Variants in MUS81 observed in about 807,000 individuals in gnomAD.
The protein encoded by MUS81 is structure-specific endonuclease subunit MUS81.
Under a neutral mutation model 74.2 loss-of-function variants are expected in MUS81, and 69 were observed. The ratio of observed to expected loss-of-function variants is 0.93; its 90% CI spans 0.77 to 1.14. The LOEUF (loss-of-function observed/expected upper bound fraction) is 1.14. Ranked by LOEUF, MUS81 falls within the 50% of genes most tolerant of loss-of-function variation. The probability of loss-of-function intolerance (pLI) is 0.00; values close to 1 mark genes in which losing one functional copy is unlikely to be tolerated. For missense variants in MUS81, 711 were observed against 726.5 expected (o/e 0.98, Z 0.25); for synonymous variants, 303 against 300.6 (o/e 1.01, Z -0.08).
chr11:65,863,405 C>T lies in MUS81; in HGVS notation c.747-5C>T. The stretch of plus-strand genomic sequence containing the variant: ...TGGCCTCACATACCAACACCCCCCA[C>T]TTAGTGCCAGTGAAGCAGGGGTCCA... On this transcript the variant is annotated splice_polypyrimidine_tract_variant and splice_region_variant and intron_variant, in intron 7 of 15. Transcript: ENST00000308110. 6.2e-7 allele frequency: 1 copy of T among 1,614,084 alleles called. No homozygotes were observed. The highest frequency in any genetic ancestry group is 8.5e-7 in the Non-Finnish European group (1 of 1,179,988).
intron 3 of MUS81, 52 bp from the exon 4 acceptor site, chr11:65,861,895 T>C (rs1187450133): frequency 1.2e-5 from 18 of 1,463,360 alleles, no homozygotes; most frequent in Admixed American, 2.0e-5. Context: ...TGGGGACTTA[T>C]TCAAAGATGA....
Position 65,863,645 on chromosome 11 carries a change from C to A in MUS81, c.885C>A (p.His295Gln). Residue 295 changes from histidine (H) to glutamine (Q), a missense_variant, in exon 9 of 16, where the codon CAC (histidine) becomes CAA (glutamine). His to Gln is a conservative substitution (Grantham distance 24, BLOSUM62 0). Coordinates refer to ENST00000308110, the MANE Select transcript of MUS81 (RefSeq NM_025128.5). Reference sequence around the variant, plus strand: ...TGCTCCGAGAGCTACAGCGGCTGCACGTGACCCACACGGTGCGCAAGCTGC... The same window carrying A: ...TGCTCCGAGAGCTACAGCGGCTGCAAGTGACCCACACGGTGCGCAAGCTGC... ...PELLRELQRL[H>Q]VTHTVRKLHV... 3 of 1,614,032 alleles carry A rather than the reference C, an allele frequency of 1.9e-6. No individual in the cohort carries two copies. Among genetic ancestry groups the A allele is most frequent in the Non-Finnish European group, 2.5e-6 (3 of 1,179,976 alleles).
intron 14 of MUS81, 125 bp downstream of exon 14, chr11:65,865,448 T>C: frequency 9.8e-7 from 1 of 1,016,830 alleles, no homozygotes; most frequent in Non-Finnish European, 1.4e-6. Flanking sequence ...GATAGACAGA[T>C]CCCAGGGTGC....
chr11:65,865,315 C>A lies in MUS81; in HGVS notation c.1497C>A (p.Thr499=). 1 of 1,613,706 alleles carries A rather than the reference C, an allele frequency of 6.2e-7. No homozygotes were observed. Among genetic ancestry groups the A allele is most frequent in the Non-Finnish European group, 8.5e-7 (1 of 1,179,798 alleles). ...CAGCCCTGGTGGATCGATACAGCAC[C>A]CCTGCCAGGTAGGCCCTAAAGGGCC... is the stretch of plus-strand genomic sequence containing the variant. ...KAAALVDRYS[T]PASLLAAYDA... Residue 499 remains threonine, a synonymous_variant, in exon 14 of 16, where the codon ACC becomes ACA. Transcript: ENST00000308110.
rs772822859 is a variant in MUS81, at chr11:65,863,146, C to T, written c.687C>T (p.Ile229=). ...SEGLSLLNVG[I]GPKEPPGEET... is the part of the protein sequence containing the mutation. The stretch of plus-strand genomic sequence containing the variant: ...GCCTGAGCTTGCTGAATGTGGGCAT[C>T]GGGCCCAAGGAGCCCCCTGGGGAGG... Residue 229 remains isoleucine (I), a synonymous_variant, in exon 7 of 16, where the codon ATC becomes ATT. Coordinates refer to ENST00000308110, the MANE Select transcript of MUS81 (RefSeq NM_025128.5). 5.0e-6 allele frequency: 8 copies of T among 1,614,064 alleles called. No individual in the cohort carries two copies. The highest frequency in any genetic ancestry group is 1.3e-5 in the African/African-American group (1 of 75,010).
Position 65,865,971 on chromosome 11 carries a change from CCTCT to C in MUS81, c.1590-12_1590-9del. 6.2e-7 allele frequency: 1 copy of C among 1,613,914 alleles called. No individual in the cohort carries two copies. Among genetic ancestry groups the C allele is most frequent in the Non-Finnish European group, 8.5e-7 (1 of 1,179,880 alleles). On this transcript the variant is annotated splice_polypyrimidine_tract_variant and intron_variant, in intron 15 of 15. Transcript: ENST00000308110. ...TAGGCCCAGGGCGTGACCCTCGCTG[CCTCT>C]CTTCCTGCAGGAATCTGGGGCCTGC...
rs1324069291 is a variant in MUS81, at chr11:65,866,080, C to T, written c.*28C>T. ...TTATGCCGTGAAACAGCCCCCAGCC[C>T]CCGTCTGTCCCCCAACCCAGGCTAG... is the stretch of plus-strand genomic sequence containing the variant. On this transcript the variant is annotated 3_prime_UTR_variant, in exon 16 of 16. Coordinates refer to ENST00000308110, the MANE Select transcript of MUS81 (RefSeq NM_025128.5). 6.2e-7 allele frequency: 1 copy of T among 1,602,368 alleles called. No individual in the cohort carries two copies. The highest frequency in any genetic ancestry group is 1.1e-5 in the South Asian group (1 of 89,620).
Position 65,864,790 on chromosome 11 carries a change from C to G in MUS81, c.1247C>G (p.Thr416Arg). 1 of 1,613,804 alleles carries G rather than the reference C, an allele frequency of 6.2e-7. No individual in the cohort carries two copies. The highest frequency in any genetic ancestry group is 1.1e-5 in the South Asian group (1 of 91,090). ...KESAAYLALL[T>R]RGLQRLYQGH... Reference sequence around the variant, plus strand: ...TCAGCCGCCTACCTGGCCCTCTTGACGCGGGGCCTGCAGAGACTCTACCAG... The same window carrying G: ...TCAGCCGCCTACCTGGCCCTCTTGAGGCGGGGCCTGCAGAGACTCTACCAG... Residue 416 changes from threonine (T) to arginine (R), a missense_variant, in exon 12 of 16, where the codon ACG becomes AGG. Coordinates refer to ENST00000308110, the MANE Select transcript of MUS81 (RefSeq NM_025128.5).
chr11:65,860,571 C>A lies in MUS81; in HGVS notation c.-183C>A. 1 of 744,704 alleles carries A rather than the reference C, an allele frequency of 1.3e-6. No individual in the cohort carries two copies. Among genetic ancestry groups the A allele is most frequent in the Non-Finnish European group, 2.2e-6 (1 of 456,014 alleles). The allele number at this position is 744,704 out of a possible 1,614,324, so 46.1% of individuals were successfully genotyped here. On this transcript the variant is annotated 5_prime_UTR_variant, in exon 1 of 16. Transcript: ENST00000308110. ...TTAGAGCAGCGCAGGGGTGGGAGGG[C>A]GGCCGCAGGCTCTCCTCTCGTTAGT... is the stretch of plus-strand genomic sequence containing the variant.
At chr11:65,865,695 A>G in intron 14 of MUS81, 116 bp from the exon 15 acceptor site, 1 of 1,063,592 alleles carries the variant, frequency 9.4e-7, no homozygotes, top group South Asian at 1.4e-5. Flanking sequence ...AAGCTCAGGA[A>G]GTGGGGCAGT....
At chr11:65,867,181 A>T, downstream of MUS81, 1 of 1,472,360 alleles carries the variant, frequency 6.8e-7, no homozygotes, top group Non-Finnish European at 9.4e-7. Context: ...AGGCAGAGGA[A>T]CAGCCCTGGC....
At position 65,861,421 on chromosome 11, in the gene MUS81, G is replaced by C; in HGVS notation, c.337G>C (p.Asp113His). ...GCAGGGGCGACTTGCGGAAGTCCAGGACTCTTCCATGCCAGTGAGGAAGGG... is the reference window on the plus strand; with the variant it reads ...GCAGGGGCGACTTGCGGAAGTCCAGCACTCTTCCATGCCAGTGAGGAAGGG... ...APQGRLAEVQ[D>H]SSMPVPAQPK... Residue 113 changes from aspartate to histidine, a missense_variant, in exon 3 of 16, where the codon GAC becomes CAC. By Grantham distance (81) the Asp-to-His change is moderately conservative. Coordinates refer to ENST00000308110, the MANE Select transcript of MUS81 (RefSeq NM_025128.5). 6.2e-7 allele frequency: 1 copy of C among 1,602,554 alleles called. No homozygotes were observed.
chr11:65,860,056 C>G (rs771598217), upstream of MUS81: 4 of 282,934 alleles, frequency 1.4e-5, no homozygotes, highest in Non-Finnish European at 2.3e-5. Flanking sequence ...TCGGCACGTC[C>G]CCGACTTCCT....
intron 3 of MUS81, 104 bp from the exon 4 acceptor site, chr11:65,861,843 T>A: frequency 1.1e-6 from 1 of 870,968 alleles, no homozygotes; most frequent in Non-Finnish European, 1.8e-6. Context: ...AGAAGGAAAC[T>A]GAGAGACAAC....
At chr11:65,863,308 C>A in intron 7 of MUS81, 102 bp from the exon 8 acceptor site, 1 of 1,580,530 alleles carries the variant, frequency 6.3e-7, no homozygotes, top group Non-Finnish European at 8.6e-7. Context: ...CTGTGGCTGC[C>A]TCCCTACTGT....
chr11:65,865,619 C>T, intron 14 of MUS81, 192 bp from the exon 15 acceptor site: 2 of 655,046 alleles, frequency 3.1e-6, no homozygotes, highest in South Asian at 3.8e-5. Flanking sequence ...GGAGCCTTTG[C>T]TGGTTTTGCC....
At chr11:65,863,948 C>T (rs572273609) in intron 10 of MUS81, 47 bp downstream of exon 10, 9 of 1,588,122 alleles carry the variant, frequency 5.7e-6, no homozygotes, top group Admixed American at 5.0e-5. Context: ...TCCGAAGCCC[C>T]GTTTTCAGCC....
At chr11:65,866,945 G>C (rs1260193001), downstream of MUS81, 6 of 1,614,158 alleles carry the variant, frequency 3.7e-6, no homozygotes, top group Non-Finnish European at 5.1e-6. Flanking sequence ...CTACAAAGAC[G>C]GTGAGCCTCA....
At position 65,862,042 on chromosome 11, in the gene MUS81, C is replaced by T. The variant is rs768085730; in HGVS notation, c.447C>T (p.His149=). The T allele has an allele frequency of 2.5e-6, 4 of 1,608,308 alleles. No homozygotes were observed. Among genetic ancestry groups the T allele is most frequent in the East Asian group, 4.5e-5 (2 of 44,714 alleles). ...TACTGCTGGTGCTCTACCGGGAGCA[C>T]CTGGTGAGCACTGGGCTACACCGGG... The part of the protein sequence containing the change: ...RVILLVLYRE[H]LNPNGHHFLT... Residue 149 remains histidine (H), a synonymous_variant, in exon 4 of 16, where the codon CAC becomes CAT. Transcript: ENST00000308110.
Sources: gnomAD v4.1 joint callset for allele counts on GRCh38, gnomAD v4.1.1 for gene constraint, MANE v1.5 for transcripts, NCBI Gene and HGNC (gene_info 2026-07-23, HGNC 2026-07-21) for gene names.